The following MYO1H variants were observed in gnomAD, a reference collection of about 807,000 sequenced individuals.
MYO1H encodes unconventional myosin-Ih.
In MYO1H, 118 loss-of-function variants were observed where a neutral mutation model predicts 149.3. The ratio of observed to expected loss-of-function variants is 0.79; its 90% CI spans 0.68 to 0.92. The LOEUF (loss-of-function observed/expected upper bound fraction) is 0.92. Ranked by LOEUF, MYO1H falls within the 40% of genes least tolerant of loss-of-function variation. The probability of loss-of-function intolerance (pLI) is 0.00; values close to 1 mark genes in which losing one functional copy is unlikely to be tolerated. For missense variants in MYO1H, 1,212 were observed against 1,280.7 expected (o/e 0.95, Z 0.82); for synonymous variants, 447 against 465.2 (o/e 0.96, Z 0.50).
At chr12:109,335,574 C>CA in the MYO1H span, among the ~76,000 whole-genome samples, 35 of 128,682 alleles carry the variant, frequency 2.7e-4, no homozygotes, top group Admixed American at 1.1e-3. Flanking sequence ...AAAAAACAAA[C>CA]AAACAAAAAA....
At chr12:109,423,447 C>T (rs1332730873) in intron 16 of MYO1H, among the ~76,000 whole-genome samples, 2 of 152,214 alleles carry the variant, frequency 1.3e-5, no homozygotes, top group East Asian at 3.9e-4. Context: ...CAGGCGTGAG[C>T]GACCACGCTC....
chr12:109,409,031 T>C (rs990998861), intron 10 of MYO1H, among the ~76,000 whole-genome samples: 1 of 152,050 alleles, frequency 6.6e-6, no homozygotes, highest in Non-Finnish European at 1.5e-5. Flanking sequence ...CCACAAGTGA[T>C]CCGCCTGCCT....
intron 7 of MYO1H, among the ~76,000 whole-genome samples, chr12:109,404,762 G>T (rs1870306010): frequency 6.6e-6 from 1 of 151,588 alleles, no homozygotes; most frequent in Non-Finnish European, 1.5e-5. Flanking sequence ...AGAATTACAA[G>T]ATTCTCATTT....
chr12:109,364,028 C>T (rs1218303026), intron 1 of MYO1H, among the ~76,000 whole-genome samples: 1 of 151,532 alleles, frequency 6.6e-6, no homozygotes, highest in African/African-American at 2.4e-5. Context: ...GGTGAAACCC[C>T]ATCTCTACCA....
the MYO1H span, among the ~76,000 whole-genome samples, chr12:109,320,926 A>C: frequency 1.3e-5 from 2 of 151,930 alleles, no homozygotes; most frequent in Non-Finnish European, 2.9e-5. Flanking sequence ...CATCTCTACC[A>C]AAAATAACAA....
intron 31 of MYO1H, 154 bp from the exon 32 acceptor site, chr12:109,447,005 T>G: frequency 1.4e-6 from 1 of 740,668 alleles, no homozygotes; most frequent in Non-Finnish European, 2.4e-6. Context: ...ATGAGCCAGT[T>G]TCTAAGTCTG....
chr12:109,396,700 C>T (rs963254072), intron 4 of MYO1H, 118 bp downstream of exon 4: 2 of 796,924 alleles, frequency 2.5e-6, no homozygotes, highest in Non-Finnish European at 3.8e-6. Context: ...AGAGGTCACA[C>T]AGATAGTGTC....
chr12:109,440,899 C>A, intron 25 of MYO1H, 72 bp downstream of exon 25: 1 of 1,088,840 alleles, frequency 9.2e-7, no homozygotes, highest in Non-Finnish European at 1.4e-6. Flanking sequence ...GTCAGTCCTC[C>A]TCATCCACCA....
upstream of MYO1H, chr12:109,347,833 G>A (rs760864110): frequency 1.9e-4 from 77 of 397,430 alleles, no homozygotes; most frequent in Non-Finnish European, 1.2e-4. Flanking sequence ...GCTCCACCCC[G>A]CAAGCTAGAA....
intron 15 of MYO1H, 104 bp downstream of exon 15, chr12:109,415,724 C>T (rs1244986636): frequency 5.7e-6 from 4 of 697,086 alleles, no homozygotes; most frequent in African/African-American, 1.8e-5. Context: ...CCATCCCAAA[C>T]GTTCCCTAAC....
chr12:109,421,916 C>T (rs986270389), intron 16 of MYO1H, among the ~76,000 whole-genome samples: 4 of 152,166 alleles, frequency 2.6e-5, no homozygotes, highest in African/African-American at 9.7e-5. Context: ...GCCTCAGCCT[C>T]CTGGGCTCGA....
intron 22 of MYO1H, 50 bp from the exon 23 acceptor site, chr12:109,438,486 T>C (rs1243593644): frequency 6.9e-7 from 1 of 1,449,782 alleles, no homozygotes; most frequent in Non-Finnish European, 9.6e-7. Context: ...GCCTTCTGTA[T>C]TTCCATACGA....
At chr12:109,439,824 G>C (rs1196359288) in intron 24 of MYO1H, 34 bp downstream of exon 24, 6 of 1,594,708 alleles carry the variant, frequency 3.8e-6, no homozygotes, top group Middle Eastern at 1.7e-4. Context: ...AGTGTTGTAA[G>C]TAGCACGGGC....
At chr12:109,411,969 C>T (rs1463841837) in exon 14 of MYO1H, 2 of 1,598,720 alleles carry the variant, frequency 1.3e-6, no homozygotes. Context: ...AGTGGGCAAA[C>T]ATGCACACTT....
chr12:109,380,317 CT>C (rs1447463501), intron 1 of MYO1H, among the ~76,000 whole-genome samples: 2 of 152,072 alleles, frequency 1.3e-5, no homozygotes, highest in African/African-American at 4.8e-5. Flanking sequence ...ATTAAATATT[CT>C]ACATACTTAT....
At chr12:109,421,225 A>G (rs553838863) in intron 16 of MYO1H, among the ~76,000 whole-genome samples, 198 bp downstream of exon 16, 348 of 108,878 alleles carry the variant, frequency 3.2e-3, no homozygotes, top group African/African-American at 0.014. Context: ...AATGTGTATG[A>G]TGCCCCCTGG....
At chr12:109,374,261 T>C (rs1241061558) in intron 1 of MYO1H, among the ~76,000 whole-genome samples, 1 of 152,186 alleles carries the variant, frequency 6.6e-6, no homozygotes, top group Non-Finnish European at 1.5e-5. Context: ...AGAATATGGA[T>C]TCTGGAGTCA....
chr12:109,337,589 C>A, the MYO1H span, among the ~76,000 whole-genome samples: 3,965 of 152,230 alleles, frequency 0.026, 71 homozygotes, highest in Middle Eastern at 0.061. Flanking sequence ...ACCATCAGAT[C>A]TAGTGAGACT....
At chr12:109,327,134 C>CTTTTTTTTTTTTT in the MYO1H span, among the ~76,000 whole-genome samples, 5 of 94,736 alleles carry the variant, frequency 5.3e-5, no homozygotes, top group African/African-American at 9.2e-5. Flanking sequence ...TTTTCTTTTT[C>CTTTTTTTTTTTTT]TTTTTTTTTT....
Sources: gnomAD v4.1 joint callset for allele counts (sites outside exome capture counted in the v4.1 genomes callset) on GRCh38, gnomAD v4.1.1 for gene constraint, MANE v1.5 for transcripts, NCBI Gene and HGNC (gene_info 2026-07-23, HGNC 2026-07-21) for gene names.